GALNT15: variants seen among roughly 807,000 people sequenced by gnomAD.
GALNT15 encodes the protein UDP-GalNAc transferase T15.
In GALNT15, 67 loss-of-function variants were observed where a neutral mutation model predicts 66.8. The ratio of observed to expected loss-of-function variants is 1.00; its 90% CI spans 0.82 to 1.23. The LOEUF (loss-of-function observed/expected upper bound fraction) is 1.23. Among genes scored for constraint, GALNT15 ranks in the 50% most tolerant of loss-of-function variants. GALNT15 has a pLI of 0.00. For synonymous variants in GALNT15, 313 were observed against 311.5 expected (o/e 1.00, Z -0.05); for missense variants, 827 against 804.3 (o/e 1.03, Z -0.34).
chr3:16,184,938 A>G lies in GALNT15; in HGVS notation c.539+9248A>G, dbSNP rs2063503338. Among the ~76,000 whole-genome samples the G allele has an allele frequency of 6.6e-6, 1 of 152,170 alleles. No homozygotes were observed. The highest frequency in any genetic ancestry group is 6.5e-5 in the Admixed American group (1 of 15,282). ...AGCTCACTGGGGTGGGGTAGGGGTT[A>G]ATTTTCCAGCTCTTCAGGGATGCTC... is the stretch of plus-strand genomic sequence containing the variant. On this transcript the variant is annotated intron_variant, in intron 1 of 9. Coordinates refer to ENST00000339732, the MANE Select transcript of GALNT15 (RefSeq NM_054110.5). The surrounding 1 kb of genome is among the most constrained non-coding windows in gnomAD (Gnocchi z 5.0).
chr3:16,192,584 G>A (rs1249062014), intron 1 of GALNT15, among the ~76,000 whole-genome samples: 1 of 152,170 alleles, frequency 6.6e-6, no homozygotes, highest in Non-Finnish European at 1.5e-5. Flanking sequence ...GAAGTGGAGA[G>A]GATATGAGGA....
intron 1 of GALNT15, among the ~76,000 whole-genome samples, chr3:16,179,129 T>C (rs1434942519): frequency 6.6e-6 from 1 of 152,218 alleles, no homozygotes; most frequent in African/African-American, 2.4e-5. Context: ...AAAGACAGTC[T>C]CTGAAAAGAG....
intron 6 of GALNT15, among the ~76,000 whole-genome samples, chr3:16,218,113 G>A (rs919085628): frequency 5.3e-5 from 8 of 152,206 alleles, no homozygotes; most frequent in East Asian, 1.9e-4. Flanking sequence ...AACTAGCTCC[G>A]TGGCATTTCT....
Position 16,191,312 on chromosome 3 carries a change from TG to T in GALNT15, c.540-4447del. 1.0e-6 allele frequency: 1 copy of T among 985,086 alleles called. No individual in the cohort carries two copies. Among genetic ancestry groups the T allele is most frequent in the Non-Finnish European group, 1.2e-6 (1 of 829,614 alleles). The allele number at this position is 985,086 out of a possible 1,614,324, so 61.0% of individuals were successfully genotyped here. A position where few individuals can be genotyped will look rare whatever the true frequency, so the allele number is the denominator to read the frequency against. ...ACACACTTTCAAGGCTGGAAGAGCC[TG>T]AGAGGTACCTCTTGTAGTAATGGGA... On this transcript the variant is annotated intron_variant, in intron 1 of 9. Coordinates refer to ENST00000339732, the MANE Select transcript of GALNT15 (RefSeq NM_054110.5). This position sits in a 1 kb window ranked among gnomAD's most constrained non-coding sequence, Gnocchi z 5.2.
intron 4 of GALNT15, among the ~76,000 whole-genome samples, chr3:16,210,154 T>C (rs2063797768): frequency 6.6e-6 from 1 of 152,222 alleles, no homozygotes; most frequent in Non-Finnish European, 1.5e-5. Flanking sequence ...CTACATATTT[T>C]ACATGGCTTA....
In GALNT15 at chr3:16,219,392, C is replaced by T. The variant is rs750546719; in HGVS notation, c.1393-11C>T. 6.2e-7 allele frequency: 1 copy of T among 1,613,424 alleles called. No homozygotes were observed. The highest frequency in any genetic ancestry group is 8.5e-7 in the Non-Finnish European group (1 of 1,179,660). On this transcript the variant is annotated splice_polypyrimidine_tract_variant and intron_variant, in intron 6 of 9. Coordinates refer to ENST00000339732, the MANE Select transcript of GALNT15 (RefSeq NM_054110.5). The surrounding 1 kb of genome is among the most constrained non-coding windows in gnomAD (Gnocchi z 4.3). ...CTTTCATCATCCTGCTTGTGTCTTT[C>T]TCCTCCCCAGGCTGAGAAGCCAGAC...
At position 16,209,636 on chromosome 3, in the gene GALNT15, G is replaced by A. The variant is rs2063791923; in HGVS notation, c.1079+966G>A. 6.6e-6 allele frequency among the ~76,000 whole-genome samples: 1 copy of A among 152,086 alleles called. No homozygotes were observed. The highest frequency in any genetic ancestry group is 2.4e-5 in the African/African-American group (1 of 41,398). On this transcript the variant is annotated intron_variant, in intron 4 of 9. Transcript: ENST00000339732. This position sits in a 1 kb window ranked among gnomAD's most constrained non-coding sequence, Gnocchi z 4.1. ...AGTTCGAGACCAACCTGGCCATCAT[G>A]GCGAAACCCCATCTCTACTAAAATT...
At chr3:16,237,466 A>G in the GALNT15 span, among the ~76,000 whole-genome samples, 1 of 152,178 alleles carries the variant, frequency 6.6e-6, no homozygotes, top group African/African-American at 2.4e-5. This position sits in a 1 kb window ranked among gnomAD's most constrained non-coding sequence, Gnocchi z 4.2. Flanking sequence ...ACTCATGGAC[A>G]GTTCCAAGCT....
chr3:16,241,993 C>T, the GALNT15 span, among the ~76,000 whole-genome samples: 8 of 152,260 alleles, frequency 5.3e-5, no homozygotes, highest in East Asian at 5.8e-4. The surrounding 1 kb of genome is among the most constrained non-coding windows in gnomAD (Gnocchi z 4.6). Context: ...GGGAGGCTGG[C>T]AGGCTGGACT....
chr3:16,235,601 G>A (rs1317268222), downstream of GALNT15, among the ~76,000 whole-genome samples: 1 of 152,152 alleles, frequency 6.6e-6, no homozygotes, highest in African/African-American at 2.4e-5. Context: ...GTGAGGGCAG[G>A]AGTGACTTAC....
intron 1 of GALNT15, among the ~76,000 whole-genome samples, chr3:16,192,045 T>G (rs913821566): frequency 3.3e-5 from 5 of 152,204 alleles, no homozygotes; most frequent in African/African-American, 9.7e-5. Flanking sequence ...ATGGTTACCC[T>G]TACCTTCCAA....
intron 1 of GALNT15, among the ~76,000 whole-genome samples, chr3:16,185,802 T>C (rs2063511374): frequency 6.6e-6 from 1 of 152,066 alleles, no homozygotes; most frequent in African/African-American, 2.4e-5. Flanking sequence ...TGATAGATTA[T>C]AGCAATATAC....
Position 16,191,647 on chromosome 3 carries a change from A to G in GALNT15, c.540-4113A>G, listed in dbSNP as rs1264070322. 6.6e-6 allele frequency among the ~76,000 whole-genome samples: 1 copy of G among 152,242 alleles called. No individual in the cohort carries two copies. The highest frequency in any genetic ancestry group is 1.5e-5 in the Non-Finnish European group (1 of 68,042). On this transcript the variant is annotated intron_variant, in intron 1 of 9. Coordinates refer to ENST00000339732, the MANE Select transcript of GALNT15 (RefSeq NM_054110.5). This position sits in a 1 kb window ranked among gnomAD's most constrained non-coding sequence, Gnocchi z 5.2. ...GCCCTGGTCACCATTTAACTAGCAG[A>G]GATGGAAGCTCTCACATCTCCTTAC... is the stretch of plus-strand genomic sequence containing the variant.
At position 16,229,581 on chromosome 3, in the gene GALNT15, A is replaced by G; in HGVS notation, c.*2081A>G. ...TCCCTAAATCCTGAGACTGAGACGG[A>G]GCTACAAATTCTCAGATGGCGACCG... On this transcript the variant is annotated 3_prime_UTR_variant, in exon 10 of 10. Coordinates refer to ENST00000339732, the MANE Select transcript of GALNT15 (RefSeq NM_054110.5). 3 of 985,384 alleles carry G rather than the reference A, an allele frequency of 3.0e-6. No homozygotes were observed. In the South Asian group the frequency reaches 1.4e-4, roughly 46 times the overall value. The allele number at this position is 985,384 out of a possible 1,614,324, so 61.0% of individuals were successfully genotyped here.
At position 16,229,706 on chromosome 3, in the gene GALNT15, A is replaced by G. The variant is rs577599319; in HGVS notation, c.*2206A>G. On this transcript the variant is annotated 3_prime_UTR_variant, in exon 10 of 10. Coordinates refer to ENST00000339732, the MANE Select transcript of GALNT15 (RefSeq NM_054110.5). ...ATTGTGGGTCTTTGAAGTTGCTGGG[A>G]TAAATTAATATAATTAAATAAAAGA... is the stretch of plus-strand genomic sequence containing the variant. The G allele has an allele frequency of 1.0e-6, 1 of 975,534 alleles. No homozygotes were observed. 60.4% of individuals were successfully genotyped at this position (975,534 alleles called of 1,614,324 possible).
chr3:16,213,297 T>C (rs1286355149), intron 6 of GALNT15, among the ~76,000 whole-genome samples: 1 of 127,100 alleles, frequency 7.9e-6, no homozygotes, highest in Non-Finnish European at 1.6e-5. Context: ...CTACTAAAAA[T>C]ACAAAAAATT....
chr3:16,244,503 CA>C, the GALNT15 span, among the ~76,000 whole-genome samples: 1 of 152,198 alleles, frequency 6.6e-6, no homozygotes, highest in Non-Finnish European at 1.5e-5. Context: ...ATAGTTGGCC[CA>C]GGCTGGAGGA....
At chr3:16,238,625 T>C in the GALNT15 span, among the ~76,000 whole-genome samples, 1 of 152,182 alleles carries the variant, frequency 6.6e-6, no homozygotes, top group African/African-American at 2.4e-5. The surrounding 1 kb of genome is among the most constrained non-coding windows in gnomAD (Gnocchi z 4.8). Flanking sequence ...GGCAGAGTAA[T>C]TTTCCTAAGG....
At chr3:16,230,333 C>T (rs997526193), downstream of GALNT15, among the ~76,000 whole-genome samples, 1 of 152,076 alleles carries the variant, frequency 6.6e-6, no homozygotes, top group Non-Finnish European at 1.5e-5. The surrounding 1 kb of genome is among the most constrained non-coding windows in gnomAD (Gnocchi z 4.5). Context: ...GCCATAGATC[C>T]CACTGGAAAA....
Sources: gnomAD v4.1 joint callset for allele counts (sites outside exome capture counted in the v4.1 genomes callset) on GRCh38, gnomAD v4.1.1 for gene constraint, Gnocchi (gnomAD v3.1) non-coding constraint, MANE v1.5 for transcripts, NCBI Gene and HGNC (gene_info 2026-07-23, HGNC 2026-07-21) for gene names.